PRTG: variants seen among roughly 807,000 people sequenced by gnomAD.
The protein encoded by PRTG is immunoglobulin superfamily, DCC subclass, member 5.
A neutral mutation model predicts 122.5 loss-of-function variants in PRTG; 67 were observed. The observed-to-expected ratio is 0.55, with a 90% CI of 0.45 to 0.67. The LOEUF (loss-of-function observed/expected upper bound fraction) is 0.67. PRTG is among the 30% of genes least tolerant of loss of function. The probability of loss-of-function intolerance (pLI) is 0.00; values close to 1 mark genes in which losing one functional copy is unlikely to be tolerated. For synonymous variants in PRTG, 554 were observed against 501.1 expected (o/e 1.11, Z -1.41); for missense variants, 1,435 against 1,415.4 (o/e 1.01, Z -0.22).
At chr15:55,659,601 T>C (rs564531440) in intron 11 of PRTG, among the ~76,000 whole-genome samples, 7 of 152,256 alleles carry the variant, frequency 4.6e-5, no homozygotes, top group African/African-American at 1.7e-4. Flanking sequence ...TTTCCTTCTC[T>C]AGACTATAAA....
intron 2 of PRTG, among the ~76,000 whole-genome samples, chr15:55,727,752 C>T (rs146981285): frequency 0.068 from 10,407 of 152,116 alleles, 433 homozygotes; most frequent in Non-Finnish European, 0.1. Context: ...GCCAAGATGG[C>T]GCCACTGCAC....
chr15:55,738,589 C>A, intron 2 of PRTG: 1 of 692,114 alleles, frequency 1.4e-6, no homozygotes, highest in South Asian at 1.5e-5. Context: ...CTCTATAGAA[C>A]AAGTTTACAT....
intron 2 of PRTG, among the ~76,000 whole-genome samples, chr15:55,708,148 T>TAAAAAAAAAAAAAAAAA (rs35216342): frequency 4.3e-5 from 3 of 70,030 alleles, no homozygotes; most frequent in Admixed American, 1.5e-4. Context: ...AGTAAGCTGG[T>TAAAAAAAAAAAAAAAAA]AAAAAAAAAA....
At position 55,740,668 on chromosome 15, in the gene PRTG, G is replaced by C; in HGVS notation, c.111C>G (p.Ser37Arg). ...LSPLPGVWCF[S>R]ELSFVKEPQD... ...GTGGTTCTTTTACAAAAGACAGTTC[G>C]CTAAAGCACCACACTCCTATAAGGA... Residue 37 changes from serine to arginine, a missense_variant, in exon 2 of 20, where the codon AGC (serine) becomes AGG (arginine). Physicochemically the swap from Ser to Arg is moderately radical, Grantham distance 110. Transcript: ENST00000389286. 1 of 1,612,678 alleles carries C rather than the reference G, an allele frequency of 6.2e-7. No individual in the cohort carries two copies. The highest frequency in any genetic ancestry group is 8.5e-7 in the Non-Finnish European group (1 of 1,179,464).
intron 15 of PRTG, among the ~76,000 whole-genome samples, chr15:55,629,373 ATATGTGTGTGTG>A (rs1186506376): frequency 0.026 from 1,392 of 54,004 alleles, 11 homozygotes; most frequent in Middle Eastern, 0.056. Flanking sequence ...ATATATATAT[ATATGTGTGTGTG>A]TGTGTGTGTG....
rs368870676 is a variant in PRTG at position 55,640,994 on chromosome 15, G to A, written c.2137+119C>T. Reference sequence around the variant, plus strand: ...CAAAAAAACTACGCTATACAGCACAGAGGATAGAAATTAAGCCACCAAAGC... The same window carrying A: ...CAAAAAAACTACGCTATACAGCACAAAGGATAGAAATTAAGCCACCAAAGC... On this transcript the variant is annotated intron_variant, in intron 12 of 19. Transcript: ENST00000389286. 60 of 718,028 alleles carry A rather than the reference G, an allele frequency of 8.4e-5. No homozygotes were observed. In the South Asian group the frequency reaches 1.0e-3, roughly 12 times the overall value. The allele number at this position is 718,028 out of a possible 1,614,324, so 44.5% of individuals were successfully genotyped here.
chr15:55,635,101 G>C (rs1029775546), intron 15 of PRTG, among the ~76,000 whole-genome samples: 2 of 112,968 alleles, frequency 1.8e-5, no homozygotes, highest in South Asian at 5.7e-4. Flanking sequence ...GTGTGTGTGT[G>C]TGTTTTTTGA....
At chr15:55,629,371 ATATATGTGTGTGTGTGTGTGTGTGTGTG>A (rs2059213799) in intron 15 of PRTG, among the ~76,000 whole-genome samples, 1 of 35,538 alleles carries the variant, frequency 2.8e-5, no homozygotes, top group Non-Finnish European at 5.6e-5. Flanking sequence ...ATATATATAT[ATATATGTGTGTGTGTGTGTGTGTGTGTG>A]TGTGTGTGTG....
At chr15:55,654,273 G>C (rs1281247950) in intron 11 of PRTG, among the ~76,000 whole-genome samples, 1 of 152,126 alleles carries the variant, frequency 6.6e-6, no homozygotes, top group Non-Finnish European at 1.5e-5. Flanking sequence ...AAGAGAAAAA[G>C]AAAAGAACAC....
chr15:55,735,683 A>T (rs1000532299), intron 2 of PRTG, among the ~76,000 whole-genome samples: 25 of 149,304 alleles, frequency 1.7e-4, no homozygotes, highest in African/African-American at 5.9e-4. Flanking sequence ...CTTAAAGAAA[A>T]TTCTAATTCT....
chr15:55,650,218 GA>G (rs1468942093), intron 11 of PRTG, among the ~76,000 whole-genome samples: 1 of 152,124 alleles, frequency 6.6e-6, no homozygotes, highest in East Asian at 1.9e-4. Context: ...AATTTCTTTA[GA>G]TAACAACCTA....
At chr15:55,650,769 A>G (rs2059349047) in intron 11 of PRTG, among the ~76,000 whole-genome samples, 1 of 152,156 alleles carries the variant, frequency 6.6e-6, no homozygotes, top group African/African-American at 2.4e-5. Flanking sequence ...GTTCAAGACC[A>G]ACCCGGGCAA....
rs1415393288 is a variant in PRTG at position 55,616,713 on chromosome 15, GT to G, written c.*3298del. ...GCGGAGGTAACCTTAAATATCTTTG[GT>G]TTTTTTCTTTTTAATTTGCTGATAA... On this transcript the variant is annotated 3_prime_UTR_variant, in exon 20 of 20. Coordinates refer to ENST00000389286, the MANE Select transcript of PRTG (RefSeq NM_173814.6). The G allele has an allele frequency of 5.9e-5, 9 of 152,044 alleles. No homozygotes were observed. The highest frequency in any genetic ancestry group is 1.7e-4 in the African/African-American group (7 of 41,498). 9.4% of individuals were successfully genotyped at this position (152,044 alleles called of 1,614,324 possible).
intron 2 of PRTG, among the ~76,000 whole-genome samples, chr15:55,689,732 C>T (rs2059590120): frequency 6.6e-6 from 1 of 151,994 alleles, no homozygotes; most frequent in East Asian, 1.9e-4. Flanking sequence ...TCGAGACCAC[C>T]CTGGCTAACA....
At chr15:55,730,751 G>C (rs147782215) in intron 2 of PRTG, among the ~76,000 whole-genome samples, 11,960 of 152,196 alleles carry the variant, frequency 0.079, 520 homozygotes, top group Non-Finnish European at 0.1. Context: ...AGTGAGCCGA[G>C]ATGGCGCCAC....
chr15:55,630,124 C>T (rs1271774174), intron 15 of PRTG, among the ~76,000 whole-genome samples: 2 of 151,944 alleles, frequency 1.3e-5, no homozygotes, highest in African/African-American at 4.8e-5. Context: ...GTAGCTGGGA[C>T]TATAGGCGCC....
chr15:55,691,738 C>T (rs972352662), intron 2 of PRTG, among the ~76,000 whole-genome samples: 10 of 150,622 alleles, frequency 6.6e-5, no homozygotes, highest in Non-Finnish European at 1.0e-4. Context: ...CAGAAAAACA[C>T]CTTTAAAACT....
At chr15:55,686,623 C>A (rs2059572120) in intron 2 of PRTG, among the ~76,000 whole-genome samples, 1 of 152,140 alleles carries the variant, frequency 6.6e-6, no homozygotes, top group South Asian at 2.1e-4. Flanking sequence ...TAGCTGGTAT[C>A]TCCCCTGCCA....
chr15:55,698,829 T>C (rs189666219), intron 2 of PRTG, among the ~76,000 whole-genome samples: 76 of 143,324 alleles, frequency 5.3e-4, no homozygotes, highest in Admixed American at 5.0e-3. Context: ...ATCATGCTCA[T>C]AGAAAAAAAG....
Sources: gnomAD v4.1 joint callset for allele counts (sites outside exome capture counted in the v4.1 genomes callset) on GRCh38, gnomAD v4.1.1 for gene constraint, MANE v1.5 for transcripts, NCBI Gene and HGNC (gene_info 2026-07-23, HGNC 2026-07-21) for gene names.